GREB1L: variants seen among roughly 807,000 people sequenced by gnomAD.
The protein encoded by GREB1L is GREB1 like retinoic acid receptor coactivator.
GREB1L carries 17 observed loss-of-function variants against 200.8 expected under a neutral mutation model. The ratio of observed to expected loss-of-function variants is 0.08; its 90% CI spans 0.06 to 0.13. The LOEUF (loss-of-function observed/expected upper bound fraction) is 0.13. GREB1L is among the 10% of genes least tolerant of loss of function. The probability of loss-of-function intolerance (pLI) is 1.00; values close to 1 mark genes in which losing one functional copy is unlikely to be tolerated. For missense variants in GREB1L, 1,657 were observed against 2,367.7 expected, an observed-to-expected ratio of 0.70 and a Z score of 6.23; for synonymous variants, 789 against 893.0, an observed-to-expected ratio of 0.88 and a Z score of 2.08.
intron 28 of GREB1L, among the ~76,000 whole-genome samples, chr18:21,514,210 T>C (rs747980187): frequency 6.6e-6 from 1 of 152,088 alleles, no homozygotes; most frequent in Admixed American, 6.6e-5. Context: ...GATCACAGCG[T>C]TGGTTAGCTA....
At chr18:21,254,234 T>G (rs1482150248) in intron 1 of GREB1L, among the ~76,000 whole-genome samples, 2 of 151,804 alleles carry the variant, frequency 1.3e-5, no homozygotes, top group African/African-American at 4.8e-5. Context: ...CACACCCAGC[T>G]AATTTTTGTA....
In GREB1L at chr18:21,446,728, A is replaced by G. The variant is rs1033802274; in HGVS notation, c.1393+2319A>G. ...AAGCAAGAATAGTTTCACATATGGC[A>G]TAGATTATAGACATTTAAAAAAATA... is the stretch of plus-strand genomic sequence containing the variant. On this transcript the variant is annotated intron_variant, in intron 11 of 32. Transcript: ENST00000424526. 7.9e-5 allele frequency among the ~76,000 whole-genome samples: 12 copies of G among 152,336 alleles called. No homozygotes were observed. In the East Asian group the frequency reaches 2.3e-3, roughly 29 times the overall value.
At position 21,480,664 on chromosome 18, in the gene GREB1L, C is replaced by A. The variant is rs1037770717; in HGVS notation, c.2556+3308C>A. Among the ~76,000 whole-genome samples the A allele has an allele frequency of 7.2e-5, 11 of 152,036 alleles. 1 individual carries two copies. Among genetic ancestry groups the A allele is most frequent in the Admixed American group, 2.6e-4 (4 of 15,256 alleles). ...TGGAAAAAAGCAAATTAATTTAATT[C>A]AAAAAATATGATTGAGCACACTTGT... is the stretch of plus-strand genomic sequence containing the variant. On this transcript the variant is annotated intron_variant, in intron 17 of 32. Coordinates refer to ENST00000424526, the MANE Select transcript of GREB1L (RefSeq NM_001142966.3).
chr18:21,495,540 A>C (rs2036512672), intron 19 of GREB1L, 130 bp from the exon 20 acceptor site: 1 of 648,266 alleles, frequency 1.5e-6, no homozygotes, highest in Admixed American at 3.1e-5. Context: ...ATACATACAT[A>C]AACATATGTA....
chr18:21,502,580 C>G (rs1164581198), intron 23 of GREB1L, among the ~76,000 whole-genome samples: 1 of 152,178 alleles, frequency 6.6e-6, no homozygotes, highest in Non-Finnish European at 1.5e-5. Context: ...AGGCCTGTTT[C>G]CATTTCTCAT....
chr18:21,290,407 A>G (rs2038427906), intron 1 of GREB1L, among the ~76,000 whole-genome samples: 1 of 152,186 alleles, frequency 6.6e-6, no homozygotes, highest in Non-Finnish European at 1.5e-5. Flanking sequence ...TCTAATATAA[A>G]TTCCCTTTAA....
intron 1 of GREB1L, among the ~76,000 whole-genome samples, chr18:21,333,648 C>A (rs373502196): frequency 6.7e-6 from 1 of 149,790 alleles, no homozygotes; most frequent in Non-Finnish European, 1.5e-5. Context: ...GTACTCCAAC[C>A]TGGGGGACAA....
intron 1 of GREB1L, among the ~76,000 whole-genome samples, chr18:21,341,809 G>A (rs2039273930): frequency 6.6e-6 from 1 of 152,186 alleles, no homozygotes; most frequent in African/African-American, 2.4e-5. Flanking sequence ...GAAAGCTTCA[G>A]GTGACAGCAG....
chr18:21,455,793 T>G (rs2034733570), intron 15 of GREB1L, among the ~76,000 whole-genome samples: 2 of 152,048 alleles, frequency 1.3e-5, no homozygotes, highest in Admixed American at 6.5e-5. Flanking sequence ...CCTGTCATAT[T>G]GTGCCTCTCA....
chr18:21,409,602 C>G (rs1248941592), intron 7 of GREB1L, among the ~76,000 whole-genome samples: 9 of 152,152 alleles, frequency 5.9e-5, no homozygotes, highest in African/African-American at 1.9e-4. Context: ...TGGGGTGGCA[C>G]TGTTTCTCTT....
At chr18:21,469,289 C>A (rs1409214871) in intron 15 of GREB1L, among the ~76,000 whole-genome samples, 1 of 152,040 alleles carries the variant, frequency 6.6e-6, no homozygotes, top group Non-Finnish European at 1.5e-5. Flanking sequence ...TTTATAAATA[C>A]AGGTCATTTT....
intron 1 of GREB1L, among the ~76,000 whole-genome samples, chr18:21,341,677 A>G (rs2039272350): frequency 6.6e-6 from 1 of 152,136 alleles, no homozygotes; most frequent in African/African-American, 2.4e-5. Context: ...CTGGCTACTT[A>G]TTATAATTTT....
intron 1 of GREB1L, among the ~76,000 whole-genome samples, chr18:21,294,403 AAAACGCCCAGC>A (rs2038496365): frequency 6.6e-6 from 1 of 152,024 alleles, no homozygotes; most frequent in Non-Finnish European, 1.5e-5. Flanking sequence ...AGTGACAAGA[AAAACGCCCAGC>A]AGAGAGGAGA....
Position 21,348,635 on chromosome 18 carries a change from C to T in GREB1L, c.-119-17392C>T, listed in dbSNP as rs1184867361. On this transcript the variant is annotated intron_variant, in intron 1 of 32. Coordinates refer to ENST00000424526, the MANE Select transcript of GREB1L (RefSeq NM_001142966.3). The stretch of plus-strand genomic sequence containing the variant: ...ACTAAAAATACAAAAATTAGCCAGG[C>T]GTAGTGGCAGGTGACTGTAATCCCA... 2.6e-5 allele frequency among the ~76,000 whole-genome samples: 4 copies of T among 152,108 alleles called. No individual in the cohort carries two copies. The East Asian group carries it at 5.8e-4, about 22-fold the overall frequency.
At chr18:21,383,194 T>C (rs1288067444) in intron 2 of GREB1L, among the ~76,000 whole-genome samples, 1 of 152,070 alleles carries the variant, frequency 6.6e-6, no homozygotes, top group African/African-American at 2.4e-5. Flanking sequence ...GTTAACCAGG[T>C]TGGGATTCAT....
intron 3 of GREB1L, among the ~76,000 whole-genome samples, chr18:21,383,895 T>C (rs1225587046): frequency 6.6e-6 from 1 of 151,976 alleles, no homozygotes; most frequent in Admixed American, 6.6e-5. Flanking sequence ...TTTGTATTTT[T>C]ATTAAAGACA....
In GREB1L at chr18:21,308,944, G is replaced by A. The variant is rs528872688; in HGVS notation, c.-119-57083G>A. ...ATATGGTGACCTCTGTGATTCTCAA[G>A]CGTGACCATTTCCTGAGTTCATAAC... On this transcript the variant is annotated intron_variant, in intron 1 of 32. Transcript: ENST00000424526. 3.9e-5 allele frequency among the ~76,000 whole-genome samples: 6 copies of A among 152,300 alleles called. No individual in the cohort carries two copies. In the South Asian group the frequency reaches 1.2e-3, roughly 32 times the overall value.
At chr18:21,364,647 C>A (rs1050362543) in intron 1 of GREB1L, among the ~76,000 whole-genome samples, 1 of 152,144 alleles carries the variant, frequency 6.6e-6, no homozygotes, top group African/African-American at 2.4e-5. Flanking sequence ...AGAGTGACAA[C>A]AAAGGATCAG....
At chr18:21,348,931 T>G (rs2039394432) in intron 1 of GREB1L, among the ~76,000 whole-genome samples, 1 of 152,000 alleles carries the variant, frequency 6.6e-6, no homozygotes, top group Non-Finnish European at 1.5e-5. Context: ...GGTGACAGAG[T>G]GAGACCCTGT....
Sources: gnomAD v4.1 joint callset for allele counts (sites outside exome capture counted in the v4.1 genomes callset) on GRCh38, gnomAD v4.1.1 for gene constraint, MANE v1.5 for transcripts, NCBI Gene and HGNC (gene_info 2026-07-23, HGNC 2026-07-21) for gene names.